NOP56: variants seen among roughly 807,000 people sequenced by gnomAD.
NOP56 encodes the protein nucleolar protein 56.
A neutral mutation model predicts 58.3 loss-of-function variants in NOP56; 31 were observed. That is an observed-to-expected ratio of 0.53 (90% CI 0.40 to 0.72). NOP56 has a LOEUF of 0.72. NOP56 is among the 30% of genes least tolerant of loss of function. The probability of loss-of-function intolerance (pLI) is 0.00; values close to 1 mark genes in which losing one functional copy is unlikely to be tolerated. For synonymous variants in NOP56, 313 were observed against 282.8 expected, an observed-to-expected ratio of 1.11 and a Z score of -1.07; for missense variants, 669 against 739.9, an observed-to-expected ratio of 0.90 and a Z score of 1.11.
Position 2,653,402 on chromosome 20 carries a change from G to A in NOP56, c.208+9G>A, listed in dbSNP as rs777558503. 35 of 1,607,626 alleles carry A rather than the reference G, an allele frequency of 2.2e-5. No homozygotes were observed. In the East Asian group the frequency reaches 4.9e-4, roughly 23 times the overall value. ...CAACGCCGTGTCTGAAGGTAAGTCG[G>A]CCACCGCCAAGTGTCACAGAGAGAT... is the stretch of plus-strand genomic sequence containing the variant. On this transcript the variant is annotated intron_variant, in intron 3 of 11. Coordinates refer to ENST00000329276, the MANE Select transcript of NOP56 (RefSeq NM_006392.4).
chr20:2,657,761 T>G, intron 11 of NOP56, 168 bp from the exon 12 acceptor site: 1 of 731,372 alleles, frequency 1.4e-6, no homozygotes, highest in Non-Finnish European at 2.2e-6. Flanking sequence ...TTCCTTCTAA[T>G]TTGGGACAGC....
rs771888944 is a variant in NOP56, at chr20:2,656,794, G to A, written c.1180G>A (p.Gly394Arg). The A allele has an allele frequency of 4.3e-6, 7 of 1,613,978 alleles. No individual in the cohort carries two copies. The highest frequency in any genetic ancestry group is 1.3e-5 in the African/African-American group (1 of 74,890). ...TCCAGAGGTGCCCACGAGTGTATTC[G>A]GGGAGAAGCTTCGAGAACAAGTTGA... ...CFSEVPTSVF[G>R]EKLREQVEER... Residue 394 changes from glycine to arginine, a missense_variant, in exon 10 of 12, where the codon GGG becomes AGG. Gly to Arg is a moderately radical substitution (Grantham distance 125, BLOSUM62 -2). This residue lies in a region of NOP56 where 339 missense variants were observed against 430.5 expected (regional missense o/e 0.79). Transcript: ENST00000329276.
In NOP56 at chr20:2,653,313, A is replaced by T; in HGVS notation, c.128A>T (p.His43Leu). The T allele has an allele frequency of 6.2e-7, 1 of 1,614,056 alleles. No homozygotes were observed. Among genetic ancestry groups the T allele is most frequent in the East Asian group, 2.2e-5 (1 of 44,878 alleles). The change falls in exon 3 of 12, where the codon CAC (histidine) becomes CTC (leucine). Residue 43 changes from histidine to leucine, a missense_variant. Physicochemically the swap from His to Leu is moderately conservative, Grantham distance 99 (BLOSUM62 -3). This residue lies in a region of NOP56 where 121 missense variants were observed against 113.1 expected (regional missense o/e 1.07). Transcript: ENST00000329276. ...TCTGTGCTCAACCTGGGCAAATTCC[A>T]CAGCATCGTTCGTCTGGTGGCCTTT... is the stretch of plus-strand genomic sequence containing the variant. ...EESVLNLGKF[H>L]SIVRLVAFCP...
At chr20:2,652,772 C>A (rs773680559) in intron 1 of NOP56, 70 bp from the exon 2 acceptor site, 9 of 1,558,400 alleles carry the variant, frequency 5.8e-6, no homozygotes, top group Non-Finnish European at 6.9e-6. Context: ...TGCGCCTGCG[C>A]CTGCCCTGGG....
In NOP56 at chr20:2,653,092, A is replaced by G. The variant is rs552452802; in HGVS notation, c.93+161A>G. The G allele has an allele frequency of 1.5e-4, 113 of 766,376 alleles. 1 individual carries two copies. The African/African-American group carries it at 1.7e-3, about 12-fold the overall frequency. 47.5% of individuals were successfully genotyped at this position (766,376 alleles called of 1,614,324 possible). On this transcript the variant is annotated intron_variant, in intron 2 of 11. Coordinates refer to ENST00000329276, the MANE Select transcript of NOP56 (RefSeq NM_006392.4). ...GGGGTCTTTACCTTGACCCATGGGT[A>G]GAATCGCTCTAGCAATTAGAAATAA...
Position 2,653,283 on chromosome 20 carries a change from A to T in NOP56, c.98A>T (p.Glu33Val). The change falls in exon 3 of 12, where the codon GAG becomes GTG. Residue 33 changes from glutamate (E) to valine (V), a missense_variant. Glu to Val is a moderately radical substitution (Grantham distance 121, BLOSUM62 -2). Coordinates refer to ENST00000329276, the MANE Select transcript of NOP56 (RefSeq NM_006392.4). ...TTAGCCTCTTTCTCCCCCCAGGTGG[A>T]GGAGTCTGTGCTCAACCTGGGCAAA... ...EEISLLQPQV[E>V]ESVLNLGKFH... 6.2e-7 allele frequency: 1 copy of T among 1,612,982 alleles called. No individual in the cohort carries two copies. The highest frequency in any genetic ancestry group is 8.5e-7 in the Non-Finnish European group (1 of 1,178,938).
In NOP56 at chr20:2,656,849, A is replaced by G; in HGVS notation, c.1235A>G (p.Glu412Gly). Residue 412 changes from glutamate (E) to glycine (G), a missense_variant, in exon 10 of 12, where the codon GAG becomes GGG. Coordinates refer to ENST00000329276, the MANE Select transcript of NOP56 (RefSeq NM_006392.4). ...CGACTGTCCTTCTATGAGACTGGAG[A>G]GATACCACGAAAGAATCTGGATGTC... The part of the protein sequence containing the change: ...EERLSFYETG[E>G]IPRKNLDVMK... 3 of 1,614,154 alleles carry G rather than the reference A, an allele frequency of 1.9e-6. No individual in the cohort carries two copies. The highest frequency in any genetic ancestry group is 2.5e-6 in the Non-Finnish European group (3 of 1,180,044).
rs923103300 is a variant in NOP56 at position 2,654,732 on chromosome 20, T to C, written c.371-17T>C. 6.2e-7 allele frequency: 1 copy of C among 1,613,092 alleles called. No homozygotes were observed. Among genetic ancestry groups the C allele is most frequent in the African/African-American group, 1.3e-5 (1 of 74,926 alleles). ...GCTCAGAGCCCCTTGTTGCTCACCG[T>C]CTTGCCCTCTTCTTAGGAGTTCGTC... On this transcript the variant is annotated splice_polypyrimidine_tract_variant and intron_variant, in intron 4 of 11. Transcript: ENST00000329276.
At chr20:2,656,102 C>T (rs771132481) in intron 8 of NOP56, 68 bp downstream of exon 8, 11 of 1,613,426 alleles carry the variant, frequency 6.8e-6, no homozygotes, top group African/African-American at 2.7e-5. Context: ...TGGGGGATCA[C>T]GGTGATGGCT....
intron 8 of NOP56, 112 bp downstream of exon 8, chr20:2,656,146 T>C: frequency 6.2e-7 from 1 of 1,610,684 alleles, no homozygotes; most frequent in Admixed American, 1.7e-5. Flanking sequence ...AGGCCTCTGC[T>C]ATGGGGGTGA....
At position 2,654,251 on chromosome 20, in the gene NOP56, G is replaced by C. The variant is rs188234608; in HGVS notation, c.209-163G>C. The C allele has an allele frequency of 2.1e-5, 17 of 810,592 alleles. No individual in the cohort carries two copies. In the Admixed American group the frequency reaches 2.9e-4, roughly 14 times the overall value. The allele number at this position is 810,592 out of a possible 1,614,324, so 50.2% of individuals were successfully genotyped here. The stretch of plus-strand genomic sequence containing the variant: ...TGCGAATCAAATCTGTCAATCCCCT[G>C]AGTGCAATCACTGATGTCTCCATGT... On this transcript the variant is annotated intron_variant, in intron 3 of 11. Coordinates refer to ENST00000329276, the MANE Select transcript of NOP56 (RefSeq NM_006392.4).
At chr20:2,654,317 T>G (rs375405513) in intron 3 of NOP56, 97 bp from the exon 4 acceptor site, 1 of 1,291,640 alleles carries the variant, frequency 7.7e-7, no homozygotes, top group Non-Finnish European at 1.1e-6. Flanking sequence ...AGGTATGCCA[T>G]CCCAGCGTGC....
intron 3 of NOP56, 56 bp from the exon 4 acceptor site, chr20:2,654,358 T>A (rs1025752313): frequency 1.3e-6 from 2 of 1,589,022 alleles, no homozygotes; most frequent in African/African-American, 2.7e-5. Flanking sequence ...AGCTGAGGGA[T>A]GTTAGAGTTG....
At chr20:2,656,220 C>T (rs1255185586) in intron 8 of NOP56, 181 bp from the exon 9 acceptor site, 4 of 1,604,226 alleles carry the variant, frequency 2.5e-6, no homozygotes, top group East Asian at 2.2e-5. Flanking sequence ...TCCAGGTCAG[C>T]GACATTGGAT....
At chr20:2,656,930 G>A in intron 10 of NOP56, 35 bp downstream of exon 10, 1 of 1,614,054 alleles carries the variant, frequency 6.2e-7, no homozygotes, top group Non-Finnish European at 8.5e-7. Flanking sequence ...GAGTGGCATA[G>A]CTAGCTGTTG....
chr20:2,658,235 G>A lies in NOP56; in HGVS notation c.1726G>A (p.Val576Ile). Reference sequence around the variant, plus strand: ...GGTCAGCAGTGGGCCTGAAGAGGCGGTTGGCAAGAGCAGCTCCAAGAAGAA... The same window carrying A: ...GGTCAGCAGTGGGCCTGAAGAGGCGATTGGCAAGAGCAGCTCCAAGAAGAA... The part of the protein sequence containing the change: ...EPVSSGPEEA[V>I]GKSSSKKKKK... Residue 576 changes from valine to isoleucine, a missense_variant, in exon 12 of 12, where the codon GTT (valine) becomes ATT (isoleucine). Transcript: ENST00000329276. 1 of 1,601,544 alleles carries A rather than the reference G, an allele frequency of 6.2e-7. No homozygotes were observed. The highest frequency in any genetic ancestry group is 8.5e-7 in the Non-Finnish European group (1 of 1,173,960).
At chr20:2,656,082 C>G (rs756972132) in intron 8 of NOP56, 48 bp downstream of exon 8, 1 of 1,613,744 alleles carries the variant, frequency 6.2e-7, no homozygotes, top group African/African-American at 1.3e-5. Context: ...TTCTGGTGCC[C>G]ACTGCTTGTT....
chr20:2,654,106 G>C (rs989569479), intron 3 of NOP56: 3 of 579,006 alleles, frequency 5.2e-6, no homozygotes, highest in African/African-American at 3.7e-5. Context: ...TTTGGTTCCA[G>C]AAGGCAAATT....
chr20:2,656,955 T>C lies in NOP56; in HGVS notation c.1281+60T>C, dbSNP rs779480520. On this transcript the variant is annotated intron_variant, in intron 10 of 11. Coordinates refer to ENST00000329276, the MANE Select transcript of NOP56 (RefSeq NM_006392.4). ...GCTAGCTGTTGGAGGTGATGAACTG[T>C]CTGAGCCTGACCTTGTAGAATGGAG... is the stretch of plus-strand genomic sequence containing the variant. The C allele has an allele frequency of 3.7e-6, 6 of 1,613,684 alleles. No individual in the cohort carries two copies. The African/African-American group carries it at 5.3e-5, about 14-fold the overall frequency.
Sources: allele counts gnomAD v4.1 joint callset, GRCh38; gene constraint gnomAD v4.1.1; regional missense constraint gnomAD v4.1.1; transcripts MANE v1.5; gene names NCBI Gene and HGNC (gene_info 2026-07-23, HGNC 2026-07-21).